Variants in ZMYND8 observed in about 807,000 individuals in gnomAD.
ZMYND8 encodes MYND-type zinc finger-containing chromatin reader ZMYND8.
ZMYND8 carries 37 observed loss-of-function variants against 140.8 expected under a neutral mutation model. The ratio of observed to expected loss-of-function variants is 0.26; its 90% confidence interval spans 0.20 to 0.35. The LOEUF (loss-of-function observed/expected upper bound fraction) is 0.35, where lower values mean the gene tolerates loss of function less well. Ranked by LOEUF, ZMYND8 falls within the 10% of genes least tolerant of loss-of-function variation. The probability of loss-of-function intolerance (pLI) is 1.00; values close to 1 mark genes in which losing one functional copy is unlikely to be tolerated. For missense variants in ZMYND8, 1,068 were observed against 1,570.0 expected (o/e 0.68, Z 5.40); for synonymous variants, 592 against 597.1 (o/e 0.99, Z 0.12).
chr20:47,291,896 A>C lies in ZMYND8; in HGVS notation c.568-8T>G, dbSNP rs2077287423. The C allele has an allele frequency of 6.2e-7, 1 of 1,609,048 alleles. No homozygotes were observed. Among genetic ancestry groups the C allele is most frequent in the African/African-American group, 1.3e-5 (1 of 74,726 alleles). The stretch of plus-strand genomic sequence containing the variant: ...CTTCTGGAATGCATCTGTCTATAAA[A>C]GAGAAGATATGCAGAGGAACGAACC... On this transcript the variant is annotated splice_polypyrimidine_tract_variant and splice_region_variant and intron_variant, in intron 5 of 22. Coordinates refer to ENST00000471951, the MANE Select transcript of ZMYND8 (RefSeq NM_001281775.3).
chr20:47,217,116 T>G (rs754813980), intron 21 of ZMYND8, among the ~76,000 whole-genome samples: 1 of 151,946 alleles, frequency 6.6e-6, no homozygotes, highest in Non-Finnish European at 1.5e-5. Context: ...CAGTACTCCA[T>G]GGAAATTAAG....
chr20:47,238,786 C>T lies in ZMYND8; in HGVS notation c.2637G>A (p.Thr879=). 1 of 1,612,680 alleles carries T rather than the reference C, an allele frequency of 6.2e-7. No individual in the cohort carries two copies. Among genetic ancestry groups the T allele is most frequent in the Non-Finnish European group, 8.5e-7 (1 of 1,179,922 alleles). The change falls in exon 15 of 23, where the codon ACG becomes ACA. Residue 879 remains threonine, a synonymous_variant. Coordinates refer to ENST00000471951, the MANE Select transcript of ZMYND8 (RefSeq NM_001281775.3). ...TCACAGCCTGTCTGGTCTGATATCT[C>T]GTCCCCTGGGAAGACTGAGGCTGCT... is the stretch of plus-strand genomic sequence containing the variant. The part of the protein sequence containing the change: ...QQQQPQSSQG[T]RYQTRQAVKA...
At chr20:47,266,469 TG>T (rs34339008) in intron 11 of ZMYND8, among the ~76,000 whole-genome samples, 1 of 151,880 alleles carries the variant, frequency 6.6e-6, no homozygotes, top group African/African-American at 2.4e-5. Context: ...TTAGTAGAGA[TG>T]GGGGTTTCAC....
intron 11 of ZMYND8, among the ~76,000 whole-genome samples, chr20:47,263,252 T>A (rs1183925399): frequency 6.6e-6 from 1 of 151,866 alleles, no homozygotes; most frequent in Non-Finnish European, 1.5e-5. Context: ...CTTGGGCCCA[T>A]TTAAAAACAG....
intron 12 of ZMYND8, among the ~76,000 whole-genome samples, chr20:47,251,720 TAAAAG>T (rs927303482): frequency 2.6e-5 from 4 of 152,016 alleles, no homozygotes; most frequent in East Asian, 1.9e-4. Context: ...TGGGGAACAC[TAAAAG>T]AAAAGGGAGG....
At chr20:47,226,120 C>CA (rs1483933709) in intron 18 of ZMYND8, among the ~76,000 whole-genome samples, 1 of 146,144 alleles carries the variant, frequency 6.8e-6, no homozygotes, top group African/African-American at 2.6e-5. Context: ...CACTGTACTC[C>CA]AACATGGGAA....
At chr20:47,276,943 A>AT in intron 10 of ZMYND8, 148 bp from the exon 11 acceptor site, 1 of 841,416 alleles carries the variant, frequency 1.2e-6, no homozygotes, top group South Asian at 3.0e-5. Flanking sequence ...GGTTTGAAGG[A>AT]TTAATTAATG....
chr20:47,340,225 G>A (rs537215840), intron 2 of ZMYND8, among the ~76,000 whole-genome samples: 1 of 152,200 alleles, frequency 6.6e-6, no homozygotes, highest in South Asian at 2.1e-4. Flanking sequence ...GGGATTACAG[G>A]CATAAGCCAC....
At chr20:47,259,057 A>T (rs2074968351) in intron 12 of ZMYND8, among the ~76,000 whole-genome samples, 1 of 151,976 alleles carries the variant, frequency 6.6e-6, no homozygotes, top group African/African-American at 2.4e-5. Context: ...TTTCACTCCC[A>T]CAACAGATCA....
rs758370692 is a variant in ZMYND8, at chr20:47,224,333, C to T, written c.3240G>A (p.Lys1080=). The T allele has an allele frequency of 6.2e-7, 1 of 1,614,262 alleles. No individual in the cohort carries two copies. Among genetic ancestry groups the T allele is most frequent in the Non-Finnish European group, 8.5e-7 (1 of 1,180,044 alleles). ...CQQAHWPEHM[K]SCTQSATAPQ... ...GGGCATTACCTGACTGGGTGCAGGACTTCATGTGCTCAGGCCAGTGGGCTT... is the reference window on the plus strand; with the variant it reads ...GGGCATTACCTGACTGGGTGCAGGATTTCATGTGCTCAGGCCAGTGGGCTT... The change falls in exon 19 of 23, where the codon AAG becomes AAA. Residue 1080 remains lysine, a synonymous_variant. Coordinates refer to ENST00000471951, the MANE Select transcript of ZMYND8 (RefSeq NM_001281775.3).
At chr20:47,220,604 AC>A (rs1314896451) in intron 20 of ZMYND8, among the ~76,000 whole-genome samples, 1 of 151,500 alleles carries the variant, frequency 6.6e-6, no homozygotes, top group Non-Finnish European at 1.5e-5. Flanking sequence ...CACTAACAGA[AC>A]CCCCTCCAGA....
chr20:47,337,613 C>T (rs1487211261), intron 2 of ZMYND8, among the ~76,000 whole-genome samples: 2 of 152,180 alleles, frequency 1.3e-5, no homozygotes, highest in African/African-American at 4.8e-5. Flanking sequence ...GAATGACACA[C>T]CCACATCATG....
chr20:47,223,751 G>A (rs3091948), intron 19 of ZMYND8, among the ~76,000 whole-genome samples: 17,701 of 150,558 alleles, frequency 0.12, 1,139 homozygotes, highest in South Asian at 0.16. Context: ...GCTTGAACCC[G>A]GAAGGCAGAG....
At chr20:47,318,612 C>CG in intron 2 of ZMYND8, 1 of 401,912 alleles carries the variant, frequency 2.5e-6, no homozygotes, top group Non-Finnish European at 5.0e-6. Context: ...AAACCGCTCG[C>CG]ATTAGCAAAT....
chr20:47,282,131 G>A lies in ZMYND8; in HGVS notation c.969C>T (p.Val323=), dbSNP rs1326735571. Residue 323 remains valine (V), a synonymous_variant, in exon 10 of 23, where the codon GTC becomes GTT. Transcript: ENST00000471951. The part of the protein sequence containing the change: ...AKALRDKDGQ[V]DARFFGQHDR... ...CATGTTGTCCAAAGAATCGGGCATC[G>A]ACCTGCCCGTCTTTATCCCTTAGAG... 5.0e-6 allele frequency: 8 copies of A among 1,613,748 alleles called. No individual in the cohort carries two copies. The highest frequency in any genetic ancestry group is 6.8e-6 in the Non-Finnish European group (8 of 1,179,864).
At chr20:47,272,067 A>G (rs377112333) in intron 11 of ZMYND8, among the ~76,000 whole-genome samples, 50 of 136,480 alleles carry the variant, frequency 3.7e-4, no homozygotes, top group African/African-American at 1.3e-3. Flanking sequence ...GGGGGGGGGG[A>G]GTAATATGAA....
intron 5 of ZMYND8, among the ~76,000 whole-genome samples, chr20:47,292,178 C>T (rs2077307895): frequency 6.6e-6 from 1 of 152,228 alleles, no homozygotes; most frequent in Non-Finnish European, 1.5e-5. Flanking sequence ...ACAATACGCA[C>T]TGTAAGTTAA....
At chr20:47,211,650 A>C (rs558750102) in intron 22 of ZMYND8, among the ~76,000 whole-genome samples, 61 of 152,340 alleles carry the variant, frequency 4.0e-4, no homozygotes, top group Middle Eastern at 3.4e-3. Flanking sequence ...GCTCTGCTAG[A>C]TGGCTGACTG....
At chr20:47,228,713 TCTC>T (rs1332069472) in intron 17 of ZMYND8, among the ~76,000 whole-genome samples, 2 of 152,224 alleles carry the variant, frequency 1.3e-5, no homozygotes, top group Admixed American at 6.5e-5. Context: ...CTGAAGATCT[TCTC>T]CTCTTCGTCT....
Sources: gnomAD v4.1 joint callset for allele counts (sites outside exome capture counted in the v4.1 genomes callset) on GRCh38, gnomAD v4.1.1 for gene constraint, MANE v1.5 for transcripts, NCBI Gene and HGNC (gene_info 2026-07-23, HGNC 2026-07-21) for gene names.